Variants in TRPC6 observed in about 807,000 individuals in gnomAD.
TRPC6 encodes transient receptor potential cation channel subfamily C member 6, also known as short transient receptor potential channel 6.
TRPC6 carries 55 observed loss-of-function variants against 90.7 expected under a neutral mutation model. The ratio of observed to expected loss-of-function variants is 0.61; its 90% CI spans 0.49 to 0.76. The LOEUF is 0.76. TRPC6 is among the 30% of genes least tolerant of loss of function. The pLI is 0.00. For synonymous variants in TRPC6, 393 were observed against 393.0 expected (o/e 1.00, Z 0.00); for missense variants, 989 against 1,122.7 (o/e 0.88, Z 1.70).
intron 1 of TRPC6, among the ~76,000 whole-genome samples, chr11:101,555,461 G>A (rs1861541324): frequency 6.6e-6 from 1 of 152,160 alleles, no homozygotes; most frequent in South Asian, 2.1e-4. Flanking sequence ...GTAAGTGGTT[G>A]AGCTGATATA....
At chr11:101,492,336 C>T (rs2136709521) in intron 2 of TRPC6, among the ~76,000 whole-genome samples, 1 of 152,258 alleles carries the variant, frequency 6.6e-6, no homozygotes, top group African/African-American at 2.4e-5. Context: ...GTAATCCCCT[C>T]ACTTTGGGAG....
intron 1 of TRPC6, among the ~76,000 whole-genome samples, chr11:101,548,215 C>A (rs1170495041): frequency 1.4e-5 from 2 of 145,094 alleles, no homozygotes; most frequent in Admixed American, 1.4e-4. Context: ...AATTTATCAT[C>A]TCATTTAATC....
chr11:101,515,346 C>T (rs971255171), intron 1 of TRPC6, among the ~76,000 whole-genome samples: 1 of 152,134 alleles, frequency 6.6e-6, no homozygotes. Context: ...GCCAAATGGG[C>T]ATTATGTTTT....
intron 1 of TRPC6, among the ~76,000 whole-genome samples, chr11:101,542,224 G>C (rs868228507): frequency 2.0e-4 from 31 of 152,256 alleles, no homozygotes; most frequent in Middle Eastern, 3.4e-3. Context: ...AAGGTCTGTT[G>C]GGCACCTGCC....
chr11:101,487,333 C>T (rs1859699479), intron 4 of TRPC6, among the ~76,000 whole-genome samples: 1 of 152,104 alleles, frequency 6.6e-6, no homozygotes, highest in Admixed American at 6.5e-5. Flanking sequence ...AACAAAGAGA[C>T]TACCTACATA....
At position 101,491,779 on chromosome 11, in the gene TRPC6, AC is replaced by A. The variant is rs758710079; in HGVS notation, c.946-42del. 21 of 1,565,986 alleles carry A rather than the reference AC, an allele frequency of 1.3e-5. No homozygotes were observed. The East Asian group carries it at 4.7e-4, about 35-fold the overall frequency. Reference sequence around the variant, plus strand: ...CAAAACAAAAGCAATAATGGAGAATACCACGTTTTACTATGCTTCAGAGACT... The same window carrying A: ...CAAAACAAAAGCAATAATGGAGAATACACGTTTTACTATGCTTCAGAGACT... On this transcript the variant is annotated intron_variant, in intron 2 of 12. Transcript: ENST00000344327.
intron 1 of TRPC6, among the ~76,000 whole-genome samples, chr11:101,536,906 G>A (rs927470855): frequency 2.0e-5 from 3 of 152,190 alleles, no homozygotes; most frequent in Admixed American, 6.5e-5. Context: ...AGACTATTGC[G>A]GTACTCCAGG....
intron 1 of TRPC6, among the ~76,000 whole-genome samples, chr11:101,552,157 C>T (rs1166901287): frequency 3.3e-5 from 5 of 152,000 alleles, no homozygotes; most frequent in South Asian, 2.1e-4. Flanking sequence ...CTTGATGCAC[C>T]CTTTATAAGT....
chr11:101,503,004 A>C (rs556161470), intron 2 of TRPC6, among the ~76,000 whole-genome samples: 1 of 152,346 alleles, frequency 6.6e-6, no homozygotes, highest in South Asian at 2.1e-4. Context: ...TCTGTAAAAC[A>C]TTGTACTTGA....
chr11:101,465,421 C>T (rs1859119922), intron 10 of TRPC6, among the ~76,000 whole-genome samples: 1 of 152,170 alleles, frequency 6.6e-6, no homozygotes, highest in African/African-American at 2.4e-5. Flanking sequence ...CCTTCTGGTA[C>T]ACTAATCTAA....
At chr11:101,575,766 A>G (rs1159918782) in intron 1 of TRPC6, among the ~76,000 whole-genome samples, 1 of 152,188 alleles carries the variant, frequency 6.6e-6, no homozygotes, top group Non-Finnish European at 1.5e-5. Flanking sequence ...GGGGTTAAAC[A>G]TACTTATTAC....
chr11:101,531,453 A>G (rs1239153997), intron 1 of TRPC6, among the ~76,000 whole-genome samples: 1 of 152,226 alleles, frequency 6.6e-6, no homozygotes, highest in African/African-American at 2.4e-5. Flanking sequence ...TTATCTTGGT[A>G]GGCATTCAGT....
intron 1 of TRPC6, among the ~76,000 whole-genome samples, chr11:101,572,194 T>C (rs1376126307): frequency 1.3e-5 from 2 of 151,704 alleles, no homozygotes; most frequent in Non-Finnish European, 2.9e-5. Flanking sequence ...AACAACCCCA[T>C]CAAAAAGTGG....
intron 1 of TRPC6, among the ~76,000 whole-genome samples, chr11:101,571,900 C>G (rs1861972509): frequency 6.6e-6 from 1 of 152,106 alleles, no homozygotes; most frequent in African/African-American, 2.4e-5. Context: ...AACATAAGAC[C>G]TAAAACCATA....
At chr11:101,538,357 C>G (rs1861099164) in intron 1 of TRPC6, among the ~76,000 whole-genome samples, 1 of 151,980 alleles carries the variant, frequency 6.6e-6, no homozygotes, top group Non-Finnish European at 1.5e-5. Flanking sequence ...GTACATAGTC[C>G]AGGGTAACTT....
intron 1 of TRPC6, among the ~76,000 whole-genome samples, chr11:101,521,075 A>C (rs1361166154): frequency 6.6e-6 from 1 of 152,236 alleles, no homozygotes; most frequent in Admixed American, 6.5e-5. Flanking sequence ...TGGCTGCAGA[A>C]ATTTGCATAA....
At chr11:101,459,306 G>C (rs988467540) in intron 10 of TRPC6, among the ~76,000 whole-genome samples, 13 of 152,294 alleles carry the variant, frequency 8.5e-5, no homozygotes, top group African/African-American at 3.1e-4. Context: ...CCTGTGAAAG[G>C]GGGAGAGGTA....
intron 3 of TRPC6, among the ~76,000 whole-genome samples, chr11:101,491,182 C>T (rs1018514360): frequency 2.6e-5 from 4 of 152,094 alleles, no homozygotes; most frequent in African/African-American, 9.7e-5. Context: ...TGCAGTGGCT[C>T]ACGCCTGCAA....
chr11:101,491,571 T>A lies in TRPC6; in HGVS notation c.1113A>T (p.Lys371Asn). ...PNLSRLKLAI[K>N]YEVKKFVAHP... ...CTGACCTTACTTTTTTTACTTCATA[T>A]TTAATGGCAAGTTTTAAACGGCTGA... The change falls in exon 3 of 13, where the codon AAA becomes AAT. Residue 371 changes from lysine to asparagine, a missense_variant. Physicochemically the swap from Lys to Asn is moderately conservative, Grantham distance 94. Around this residue, in one of 4 missense-constraint regions of TRPC6, gnomAD observed 486 missense variants for 591.9 expected, o/e 0.82. Coordinates refer to ENST00000344327, the MANE Select transcript of TRPC6 (RefSeq NM_004621.6). The A allele has an allele frequency of 1.2e-6, 2 of 1,613,996 alleles. No individual in the cohort carries two copies. Among genetic ancestry groups the A allele is most frequent in the Non-Finnish European group, 1.7e-6 (2 of 1,179,938 alleles).
Sources: allele counts gnomAD v4.1 joint callset (sites outside exome capture counted in the v4.1 genomes callset), GRCh38; gene constraint gnomAD v4.1.1; regional missense constraint gnomAD v4.1.1; transcripts MANE v1.5; gene names NCBI Gene and HGNC (gene_info 2026-07-23, HGNC 2026-07-21).